The following LAMA1 variants were observed in gnomAD, a reference collection of about 807,000 sequenced individuals.
The protein encoded by LAMA1 is laminin subunit alpha 1.
LAMA1 carries 219 observed loss-of-function variants against 348.7 expected under a neutral mutation model. That is an observed-to-expected ratio of 0.63 (90% CI 0.56 to 0.70). LAMA1 has a LOEUF of 0.70. LAMA1 is among the 30% of genes least tolerant of loss of function. The pLI is 0.00. For synonymous variants in LAMA1, 1,487 were observed against 1,491.0 expected (o/e 1.00, Z 0.06); for missense variants, 3,744 against 3,888.0 (o/e 0.96, Z 0.99).
At chr18:7,033,341 A>C (rs991362869) in intron 14 of LAMA1, among the ~76,000 whole-genome samples, 2 of 151,892 alleles carry the variant, frequency 1.3e-5, no homozygotes, top group African/African-American at 4.8e-5. Flanking sequence ...CTGTAGTCCC[A>C]GCTACTCAGG....
At chr18:6,979,735 T>TA (rs949903298) in intron 42 of LAMA1, among the ~76,000 whole-genome samples, 20 of 152,032 alleles carry the variant, frequency 1.3e-4, no homozygotes, top group African/African-American at 4.3e-4. Context: ...CCATCTCTAC[T>TA]AAAAATACAA....
chr18:6,997,870 A>T lies in LAMA1; in HGVS notation c.4678T>A (p.Cys1560Ser). The change falls in exon 33 of 63, where the codon TGT becomes AGT. Residue 1560 changes from cysteine (C) to serine (S), a missense_variant. Coordinates refer to ENST00000389658, the MANE Select transcript of LAMA1 (RefSeq NM_005559.4). ...AAGTCATTCAGCAGCACACCTACAC[A>T]CTCATCATCACAGGCTACAAGACAA... ...ETDCVSCDDE[C>S]VGVLLNDLDE... 1.2e-6 allele frequency: 2 copies of T among 1,614,048 alleles called. No individual in the cohort carries two copies. The highest frequency in any genetic ancestry group is 1.7e-6 in the Non-Finnish European group (2 of 1,179,960).
chr18:7,028,060 A>C (rs1173600580), intron 16 of LAMA1, among the ~76,000 whole-genome samples: 1 of 152,236 alleles, frequency 6.6e-6, no homozygotes, highest in East Asian at 1.9e-4. Context: ...TAGAACTAGA[A>C]GCTACCATAT....
chr18:7,013,856 G>A lies in LAMA1; in HGVS notation c.3322C>T (p.Leu1108Phe). ...CCGGTTTCCTCCACACAGCCGCAGA[G>A]ACCCTGCTCCAGGTTGCAGGCGTCC... ...SGDACNLEQG[L>F]CGCVEETGAC... The change falls in exon 23 of 63, where the codon CTC (leucine) becomes TTC (phenylalanine). Residue 1108 changes from leucine to phenylalanine, a missense_variant. By Grantham distance (22) the Leu-to-Phe change is conservative. This residue lies in a region of LAMA1 where 1,529 missense variants were observed against 1,689.4 expected (regional missense o/e 0.91). Transcript: ENST00000389658. The A allele has an allele frequency of 6.2e-7, 1 of 1,611,974 alleles. No homozygotes were observed. The highest frequency in any genetic ancestry group is 2.2e-5 in the East Asian group (1 of 44,750).
At position 7,008,621 on chromosome 18, in the gene LAMA1, C is replaced by G. The variant is rs1360847601; in HGVS notation, c.4002-13G>C. On this transcript the variant is annotated splice_polypyrimidine_tract_variant and intron_variant, in intron 27 of 62. Transcript: ENST00000389658. ...AATGTCTGAGATTCTGTGCAGCCATCATGTTAAGAGAGGAAACGCTAACAT... is the reference window on the plus strand; with the variant it reads ...AATGTCTGAGATTCTGTGCAGCCATGATGTTAAGAGAGGAAACGCTAACAT... 1.2e-6 allele frequency: 2 copies of G among 1,613,678 alleles called. No individual in the cohort carries two copies. The highest frequency in any genetic ancestry group is 1.7e-6 in the Non-Finnish European group (2 of 1,179,824).
chr18:7,071,731 G>A (rs540297400), intron 3 of LAMA1, among the ~76,000 whole-genome samples: 1 of 152,330 alleles, frequency 6.6e-6, no homozygotes, highest in East Asian at 1.9e-4. Flanking sequence ...TGTCTCAGCT[G>A]GAGGGTCAGA....
chr18:7,035,705 C>T (rs917454207), intron 13 of LAMA1, among the ~76,000 whole-genome samples: 7 of 152,156 alleles, frequency 4.6e-5, no homozygotes, highest in African/African-American at 1.7e-4. Flanking sequence ...GCATGAGCCA[C>T]CAAGCCCAGC....
chr18:6,960,028 C>G (rs2057599742), intron 53 of LAMA1: 1 of 182,760 alleles, frequency 5.5e-6, no homozygotes, highest in East Asian at 1.4e-4. Flanking sequence ...CTAGCAATGG[C>G]TAATATCATT....
intron 4 of LAMA1, among the ~76,000 whole-genome samples, 187 bp downstream of exon 4, chr18:7,050,507 G>A (rs1354632669): frequency 1.3e-5 from 2 of 152,218 alleles, no homozygotes; most frequent in Non-Finnish European, 2.9e-5. Flanking sequence ...TCCTTGAAGA[G>A]AGGAAGTCAA....
chr18:7,081,599 G>A (rs2058193714), intron 1 of LAMA1, among the ~76,000 whole-genome samples: 1 of 152,132 alleles, frequency 6.6e-6, no homozygotes, highest in Non-Finnish European at 1.5e-5. Context: ...AAACTATTCA[G>A]GAAACAATTT....
At chr18:7,006,987 G>T in intron 29 of LAMA1, 152 bp downstream of exon 29, 1 of 1,194,094 alleles carries the variant, frequency 8.4e-7, no homozygotes, top group Non-Finnish European at 1.2e-6. Flanking sequence ...ACTAAGCTAT[G>T]CCGTCCTCAA....
intron 3 of LAMA1, among the ~76,000 whole-genome samples, chr18:7,068,494 A>G (rs1258779362): frequency 6.6e-6 from 1 of 152,218 alleles, no homozygotes; most frequent in South Asian, 2.1e-4. Context: ...GTGTTCTTAG[A>G]TATGATGCAA....
intron 1 of LAMA1, among the ~76,000 whole-genome samples, chr18:7,114,088 A>AAG (rs1358036055): frequency 6.6e-6 from 1 of 151,974 alleles, no homozygotes; most frequent in African/African-American, 2.4e-5. Flanking sequence ...AAAAAAAAAA[A>AAG]AAAAGAAAAA....
chr18:7,088,367 G>A (rs557097167), intron 1 of LAMA1, among the ~76,000 whole-genome samples: 8 of 152,196 alleles, frequency 5.3e-5, no homozygotes, highest in Non-Finnish European at 7.4e-5. Flanking sequence ...TAATTGTCAC[G>A]TAAGCCGAGA....
chr18:7,065,687 G>C (rs762324517), intron 3 of LAMA1, among the ~76,000 whole-genome samples: 2 of 151,664 alleles, frequency 1.3e-5, no homozygotes, highest in Non-Finnish European at 2.9e-5. Flanking sequence ...AGATCGCACC[G>C]TTGCACTCCA....
At chr18:7,072,068 T>C (rs550430160) in intron 3 of LAMA1, among the ~76,000 whole-genome samples, 32 of 148,988 alleles carry the variant, frequency 2.1e-4, no homozygotes, top group Non-Finnish European at 2.5e-4. Flanking sequence ...TCTGCCTGTT[T>C]ACACTTATCT....
At chr18:7,025,945 C>G in intron 17 of LAMA1, 34 bp downstream of exon 17, 1 of 1,590,740 alleles carries the variant, frequency 6.3e-7, no homozygotes. Flanking sequence ...CCTGGCCATG[C>G]TGGCAGGAAC....
intron 29 of LAMA1, among the ~76,000 whole-genome samples, chr18:7,004,486 G>C (rs956619005): frequency 6.6e-6 from 1 of 152,130 alleles, no homozygotes; most frequent in South Asian, 2.1e-4. Context: ...CCGAGCAGCT[G>C]GGATTACATG....
In LAMA1 at chr18:6,974,894, CT is replaced by C. The variant is rs1568014018; in HGVS notation, c.6623+8del. On this transcript the variant is annotated splice_region_variant and intron_variant, in intron 46 of 62. Coordinates refer to ENST00000389658, the MANE Select transcript of LAMA1 (RefSeq NM_005559.4). ...AAGAGAGCTGCTTTGAGAGAACATT[CT>C]CTTCTACCTGGCTACATGGATACTG... is the stretch of plus-strand genomic sequence containing the variant. 1 of 1,614,070 alleles carries C rather than the reference CT, an allele frequency of 6.2e-7. No homozygotes were observed. Among genetic ancestry groups the C allele is most frequent in the Admixed American group, 1.7e-5 (1 of 60,008 alleles).
Sources: gnomAD v4.1 joint callset for allele counts (sites outside exome capture counted in the v4.1 genomes callset) on GRCh38, gnomAD v4.1.1 for gene constraint, gnomAD v4.1.1 regional missense constraint, MANE v1.5 for transcripts, NCBI Gene and HGNC (gene_info 2026-07-23, HGNC 2026-07-21) for gene names.